CHD2: variants seen among roughly 807,000 people sequenced by gnomAD.
CHD2 encodes chromodomain helicase DNA binding protein 2.
A neutral mutation model predicts 243.9 loss-of-function variants in CHD2; 28 were observed. The observed-to-expected ratio is 0.11, with a 90% CI of 0.09 to 0.16. CHD2 has a LOEUF of 0.16. CHD2 is among the 10% of genes least tolerant of loss of function. The pLI is 1.00. For synonymous variants in CHD2, 775 were observed against 779.0 expected, an observed-to-expected ratio of 0.99 and a Z score of 0.09; for missense variants, 1,386 against 2,209.8, an observed-to-expected ratio of 0.63 and a Z score of 7.47.
chr15:92,918,831 A>G (rs1451547764), intron 2 of CHD2, among the ~76,000 whole-genome samples: 7 of 151,588 alleles, frequency 4.6e-5, no homozygotes, highest in Admixed American at 4.6e-4. Flanking sequence ...ATACATATAT[A>G]TACATACACA....
rs1369238829 is a variant in CHD2, at chr15:93,027,212, CA to C, written c.*2508del. On this transcript the variant is annotated 3_prime_UTR_variant, in exon 39 of 39. Transcript: ENST00000394196. ...TATATGCCTAAATAAAAAATTTGCA[CA>C]GGTAAATTCTCTCACTTGTGAATGG... 2 of 152,692 alleles carry C rather than the reference CA, an allele frequency of 1.3e-5. No individual in the cohort carries two copies. The highest frequency in any genetic ancestry group is 4.8e-5 in the African/African-American group (2 of 41,556). 9.5% of individuals were successfully genotyped at this position (152,692 alleles called of 1,614,324 possible). A position where few individuals can be genotyped will look rare whatever the true frequency, so the allele number is the denominator to read the frequency against.
intron 2 of CHD2, among the ~76,000 whole-genome samples, chr15:92,903,883 C>A (rs1435661869): frequency 6.6e-6 from 1 of 152,196 alleles, no homozygotes; most frequent in Non-Finnish European, 1.5e-5. Flanking sequence ...GTAAATCCTA[C>A]AATTTTCAGG....
At chr15:93,003,910 G>T (rs545609243) in intron 33 of CHD2, among the ~76,000 whole-genome samples, 1 of 122,292 alleles carries the variant, frequency 8.2e-6, no homozygotes, top group African/African-American at 3.0e-5. Flanking sequence ...CAGATCACAA[G>T]GTCAGGAGTT....
At chr15:93,008,588 T>A (rs1449551154) in intron 34 of CHD2, among the ~76,000 whole-genome samples, 3 of 152,230 alleles carry the variant, frequency 2.0e-5, no homozygotes, top group Admixed American at 2.0e-4. Context: ...AATATTTTGT[T>A]GCCATTATCC....
At chr15:92,981,836 A>G (rs751215990) in intron 24 of CHD2, among the ~76,000 whole-genome samples, 1 of 152,214 alleles carries the variant, frequency 6.6e-6, no homozygotes, top group Non-Finnish European at 1.5e-5. Flanking sequence ...GAAGGTTCTG[A>G]TGACTTGGTG....
intron 9 of CHD2, 123 bp from the exon 10 acceptor site, chr15:92,944,292 T>C: frequency 1.9e-6 from 1 of 523,900 alleles, no homozygotes; most frequent in Non-Finnish European, 3.5e-6. Context: ...CTAGTAAAGA[T>C]TACTTAAGGG....
At chr15:92,969,559 T>C (rs2053813087) in intron 17 of CHD2, among the ~76,000 whole-genome samples, 1 of 152,230 alleles carries the variant, frequency 6.6e-6, no homozygotes, top group Non-Finnish European at 1.5e-5. Flanking sequence ...GAGGAAATGG[T>C]ATTTGGAGAC....
intron 5 of CHD2, among the ~76,000 whole-genome samples, chr15:92,934,754 A>G (rs1429454543): frequency 4.6e-5 from 7 of 152,226 alleles, no homozygotes; most frequent in Admixed American, 4.6e-4. Flanking sequence ...TCGTTCTTGA[A>G]AATGAAAAGA....
intron 8 of CHD2, among the ~76,000 whole-genome samples, chr15:92,942,472 G>T (rs549016884): frequency 6.6e-4 from 99 of 150,314 alleles, no homozygotes; most frequent in Non-Finnish European, 9.9e-4. Flanking sequence ...CGGGGACTTC[G>T]AGTAGGGGAG....
intron 2 of CHD2, among the ~76,000 whole-genome samples, chr15:92,906,951 G>A (rs2052634870): frequency 6.6e-6 from 1 of 152,192 alleles, no homozygotes; most frequent in East Asian, 1.9e-4. Context: ...ACTTGTTTTG[G>A]AACTTTAGGG....
intron 5 of CHD2, among the ~76,000 whole-genome samples, chr15:92,930,290 G>A (rs1473156412): frequency 6.6e-6 from 1 of 152,128 alleles, no homozygotes; most frequent in Non-Finnish European, 1.5e-5. Flanking sequence ...TCTCTTGACT[G>A]CAAGTTAAAT....
intron 17 of CHD2, among the ~76,000 whole-genome samples, chr15:92,969,812 CTTTT>C (rs11297975): frequency 1.3e-4 from 17 of 132,588 alleles, no homozygotes; most frequent in Non-Finnish European, 1.6e-4. Context: ...TTAAGATTTT[CTTTT>C]TTTTTTTTTT....
intron 17 of CHD2, among the ~76,000 whole-genome samples, chr15:92,968,902 T>G (rs1373099401): frequency 6.6e-6 from 1 of 152,240 alleles, no homozygotes; most frequent in Non-Finnish European, 1.5e-5. Context: ...ATAACCGTAA[T>G]AGTAGTTGAT....
rs1454224310 is a variant in CHD2, at chr15:93,014,754, C to T, written c.4751C>T (p.Ser1584Leu). 1.2e-6 allele frequency: 2 copies of T among 1,614,072 alleles called. No individual in the cohort carries two copies. The highest frequency in any genetic ancestry group is 1.3e-5 in the African/African-American group (1 of 74,916). Reference protein sequence around the residue: ...GGKKPFRPEASGSSRDSLISQ... With the variant: ...GGKKPFRPEALGSSRDSLISQ... ...AAGAAACCATTTCGTCCAGAGGCCT[C>T]AGGCTCCAGCCGGGACTCTCTGATA... The change falls in exon 37 of 39, where the codon TCA becomes TTA. Residue 1584 changes from serine (S) to leucine (L), a missense_variant. Ser to Leu is a moderately radical substitution (Grantham distance 145). Around this residue, in one of 19 missense-constraint regions of CHD2, gnomAD observed 347 missense variants for 341.6 expected, o/e 1.02. Transcript: ENST00000394196.
intron 37 of CHD2, among the ~76,000 whole-genome samples, chr15:93,016,726 G>A (rs548866168): frequency 7.3e-5 from 10 of 136,192 alleles, no homozygotes; most frequent in African/African-American, 2.4e-4. Flanking sequence ...AGGTTGCGGT[G>A]AGCCAGGATT....
At chr15:92,932,789 G>A (rs2053195733) in intron 5 of CHD2, among the ~76,000 whole-genome samples, 1 of 151,962 alleles carries the variant, frequency 6.6e-6, no homozygotes, top group Non-Finnish European at 1.5e-5. Flanking sequence ...ATGGACTCTC[G>A]CTCTGTCGCC....
At chr15:92,940,593 C>T (rs1011445055) in intron 7 of CHD2, among the ~76,000 whole-genome samples, 1 of 151,136 alleles carries the variant, frequency 6.6e-6, no homozygotes, top group Non-Finnish European at 1.5e-5. Context: ...ATATTCATAA[C>T]TTATTCAATG....
chr15:92,919,401 T>G (rs1025115064), intron 2 of CHD2, among the ~76,000 whole-genome samples: 11 of 152,138 alleles, frequency 7.2e-5, no homozygotes, highest in African/African-American at 2.7e-4. Context: ...AAAACACTTT[T>G]TTTTTTTTGG....
At chr15:93,015,981 A>T (rs1413051411) in intron 37 of CHD2, among the ~76,000 whole-genome samples, 2 of 152,244 alleles carry the variant, frequency 1.3e-5, no homozygotes, top group Non-Finnish European at 2.9e-5. Context: ...GAACTACCAT[A>T]TGATGCAGCA....
Sources: allele counts gnomAD v4.1 joint callset (sites outside exome capture counted in the v4.1 genomes callset), GRCh38; gene constraint gnomAD v4.1.1; regional missense constraint gnomAD v4.1.1; transcripts MANE v1.5; gene names NCBI Gene and HGNC (gene_info 2026-07-23, HGNC 2026-07-21).